Variants in ZFPM2 observed in about 807,000 individuals in gnomAD.
ZFPM2 encodes zinc finger protein ZFPM2.
A neutral mutation model predicts 98.6 loss-of-function variants in ZFPM2; 20 were observed. The observed-to-expected ratio is 0.20, with a 90% CI of 0.14 to 0.29. ZFPM2 has a LOEUF of 0.29. Among genes scored for constraint, ZFPM2 ranks in the 10% least tolerant of loss-of-function variants. ZFPM2 has a pLI of 1.00. For missense variants in ZFPM2, 1,310 were observed against 1,388.6 expected (o/e 0.94, Z 0.90); for synonymous variants, 518 against 502.7 (o/e 1.03, Z -0.41).
intron 3 of ZFPM2, among the ~76,000 whole-genome samples, chr8:105,463,485 A>G (rs2130311748): frequency 6.6e-6 from 1 of 152,122 alleles, no homozygotes; most frequent in Non-Finnish European, 1.5e-5. Flanking sequence ...ATTGGTTATT[A>G]GCAGTATTAC....
At chr8:105,776,496 T>C (rs962808280) in intron 5 of ZFPM2, among the ~76,000 whole-genome samples, 2 of 152,254 alleles carry the variant, frequency 1.3e-5, no homozygotes, top group African/African-American at 4.8e-5. Flanking sequence ...GGCCAACATT[T>C]ACTAGTTTTT....
chr8:105,389,131 A>G (rs1456704606), intron 1 of ZFPM2, among the ~76,000 whole-genome samples: 1 of 151,842 alleles, frequency 6.6e-6, no homozygotes, highest in Non-Finnish European at 1.5e-5. Context: ...GATGTGATTT[A>G]AAGAAACAAG....
rs1052008190 is a variant in ZFPM2, at chr8:105,318,451, C to T, written c.-491C>T. On this transcript the variant is annotated 5_prime_UTR_variant, in exon 1 of 8. Coordinates refer to ENST00000407775, the MANE Select transcript of ZFPM2 (RefSeq NM_012082.4). ...GCCTCCCGCCGCAGAACAGGAGCTG[C>T]GCGGCCCGGAGCGGCGGCGGCGGCG... Among the ~76,000 whole-genome samples, 4 of 151,558 alleles carry T rather than the reference C, an allele frequency of 2.6e-5. No individual in the cohort carries two copies. Among genetic ancestry groups the T allele is most frequent in the African/African-American group, 9.7e-5 (4 of 41,350 alleles).
At chr8:105,413,504 A>T (rs1811619142) in intron 1 of ZFPM2, among the ~76,000 whole-genome samples, 1 of 137,178 alleles carries the variant, frequency 7.3e-6, no homozygotes, top group Non-Finnish European at 1.5e-5. Flanking sequence ...ATATATATAT[A>T]TATACACACA....
chr8:105,410,542 A>G (rs1034034383), intron 1 of ZFPM2, among the ~76,000 whole-genome samples: 1 of 151,916 alleles, frequency 6.6e-6, no homozygotes, highest in Non-Finnish European at 1.5e-5. Flanking sequence ...CCTATATTTA[A>G]AAATAACTTA....
chr8:105,390,396 G>A (rs1415951955), intron 1 of ZFPM2, among the ~76,000 whole-genome samples: 1 of 152,132 alleles, frequency 6.6e-6, no homozygotes, highest in Non-Finnish European at 1.5e-5. Flanking sequence ...GACATACGTA[G>A]GGCAAGGTCT....
At chr8:105,613,419 T>G (rs1816347323) in intron 4 of ZFPM2, among the ~76,000 whole-genome samples, 1 of 152,142 alleles carries the variant, frequency 6.6e-6, no homozygotes, top group African/African-American at 2.4e-5. Flanking sequence ...CTGATGAATT[T>G]TAGTAAAGGA....
chr8:105,701,808 G>A (rs1443016385), intron 5 of ZFPM2, among the ~76,000 whole-genome samples: 1 of 152,234 alleles, frequency 6.6e-6, no homozygotes, highest in African/African-American at 2.4e-5. Context: ...TCAAAAATGA[G>A]TATATATATT....
intron 2 of ZFPM2, among the ~76,000 whole-genome samples, chr8:105,442,887 T>A (rs1198103862): frequency 1.4e-5 from 2 of 142,816 alleles, no homozygotes; most frequent in African/African-American, 2.8e-5. Context: ...TGGAAGTTCT[T>A]AGAAGTTCAG....
At chr8:105,370,538 T>C (rs1563625378) in intron 1 of ZFPM2, among the ~76,000 whole-genome samples, 1 of 152,314 alleles carries the variant, frequency 6.6e-6, no homozygotes, top group East Asian at 1.9e-4. Flanking sequence ...CTTAGTGATA[T>C]GCATTATAAT....
chr8:105,395,924 G>A (rs1206576393), intron 1 of ZFPM2, among the ~76,000 whole-genome samples: 5 of 152,180 alleles, frequency 3.3e-5, no homozygotes, highest in African/African-American at 7.2e-5. Context: ...TGTTTTCCAA[G>A]TGATACTTCA....
At chr8:105,600,757 G>C (rs1327230830) in intron 4 of ZFPM2, among the ~76,000 whole-genome samples, 2 of 151,676 alleles carry the variant, frequency 1.3e-5, no homozygotes, top group Admixed American at 6.6e-5. Context: ...AGTGTTTATA[G>C]CAATAATCTT....
chr8:105,480,292 T>C (rs965209242), intron 3 of ZFPM2, among the ~76,000 whole-genome samples: 1 of 152,220 alleles, frequency 6.6e-6, no homozygotes, highest in African/African-American at 2.4e-5. Flanking sequence ...CCTTATCTAA[T>C]TTGCCACTTC....
chr8:105,350,208 G>A (rs1357172470), intron 1 of ZFPM2, among the ~76,000 whole-genome samples: 1 of 152,162 alleles, frequency 6.6e-6, no homozygotes, highest in East Asian at 1.9e-4. Flanking sequence ...TTTTGAGCAG[G>A]AAGTGATATC....
chr8:105,480,155 T>C (rs1043548012), intron 3 of ZFPM2, among the ~76,000 whole-genome samples: 1 of 152,182 alleles, frequency 6.6e-6, no homozygotes, highest in Non-Finnish European at 1.5e-5. Context: ...ATTTGACTAA[T>C]GGAAATTTTA....
chr8:105,348,484 T>G (rs1812581263), intron 1 of ZFPM2, among the ~76,000 whole-genome samples: 1 of 152,174 alleles, frequency 6.6e-6, no homozygotes, highest in Non-Finnish European at 1.5e-5. Context: ...AAAATCAAAG[T>G]GAAAGCCTAT....
At chr8:105,679,426 A>C (rs1316121291) in intron 5 of ZFPM2, among the ~76,000 whole-genome samples, 2 of 151,908 alleles carry the variant, frequency 1.3e-5, no homozygotes, top group Non-Finnish European at 2.9e-5. Flanking sequence ...TCTGTTGTTT[A>C]TAAAAGCACT....
intron 5 of ZFPM2, among the ~76,000 whole-genome samples, chr8:105,739,903 G>A (rs1812173309): frequency 1.3e-5 from 2 of 152,054 alleles, no homozygotes; most frequent in South Asian, 4.1e-4. Flanking sequence ...TTTGGGAAAG[G>A]TTGAATTTTT....
At chr8:105,689,954 T>C (rs1192999271) in intron 5 of ZFPM2, among the ~76,000 whole-genome samples, 1 of 152,208 alleles carries the variant, frequency 6.6e-6, no homozygotes, top group African/African-American at 2.4e-5. Context: ...ATTAGCTTCT[T>C]GATCTTCCTT....
Sources: gnomAD v4.1 joint callset for allele counts (sites outside exome capture counted in the v4.1 genomes callset) on GRCh38, gnomAD v4.1.1 for gene constraint, MANE v1.5 for transcripts, NCBI Gene and HGNC (gene_info 2026-07-23, HGNC 2026-07-21) for gene names.